Variants in ZNF33B observed in about 807,000 individuals in gnomAD.
ZNF33B encodes zinc finger protein 11b (KOX 2).
In ZNF33B, 29 loss-of-function variants were observed where a neutral mutation model predicts 45.8. That is an observed-to-expected ratio of 0.63 (90% CI 0.47 to 0.86). ZNF33B has a LOEUF of 0.86. Ranked by LOEUF, ZNF33B falls within the 40% of genes least tolerant of loss-of-function variation. ZNF33B has a pLI of 0.00. For missense variants in ZNF33B, 831 were observed against 909.9 expected (o/e 0.91, Z 1.12); for synonymous variants, 305 against 307.8 (o/e 0.99, Z 0.10).
At chr10:42,576,947 A>G (rs1836756830) in intron 1 of ZNF33B, among the ~76,000 whole-genome samples, 1 of 152,108 alleles carries the variant, frequency 6.6e-6, no homozygotes, top group Non-Finnish European at 1.5e-5. Flanking sequence ...AGCCTGACCA[A>G]CAAGATGAAA....
intron 1 of ZNF33B, among the ~76,000 whole-genome samples, chr10:42,580,382 A>C (rs1836806610): frequency 6.6e-6 from 1 of 152,142 alleles, no homozygotes; most frequent in East Asian, 2.0e-4. Context: ...CTGGGATTAC[A>C]GGTATGTGCC....
intron 4 of ZNF33B, among the ~76,000 whole-genome samples, chr10:42,603,746 A>T (rs1837725355): frequency 6.6e-6 from 1 of 152,202 alleles, no homozygotes; most frequent in Non-Finnish European, 1.5e-5. Context: ...AAAGTGTAAC[A>T]GCAACAGAGG....
intron 4 of ZNF33B, among the ~76,000 whole-genome samples, chr10:42,618,179 T>C (rs1484454965): frequency 6.6e-6 from 1 of 152,218 alleles, no homozygotes; most frequent in African/African-American, 2.4e-5. Context: ...CCCAACTCTA[T>C]GGGGTGGACC....
chr10:42,628,575 TG>T (rs1161330915), intron 4 of ZNF33B, among the ~76,000 whole-genome samples: 1 of 152,250 alleles, frequency 6.6e-6, no homozygotes, highest in African/African-American at 2.4e-5. Context: ...CATTATATAA[TG>T]TTCTTTTTGT....
chr10:42,615,837 A>G (rs1838288229), intron 4 of ZNF33B, among the ~76,000 whole-genome samples: 1 of 151,938 alleles, frequency 6.6e-6, no homozygotes, highest in Non-Finnish European at 1.5e-5. Context: ...TGGCAGGAGA[A>G]TCGCTTGAAC....
At position 42,594,776 on chromosome 10, in the gene ZNF33B, C is replaced by T. The variant is rs1434775927; in HGVS notation, c.251-77G>A. 7 of 1,448,228 alleles carry T rather than the reference C, an allele frequency of 4.8e-6. No homozygotes were observed. In the African/African-American group the frequency reaches 7.2e-5, roughly 15 times the overall value. 89.7% of individuals were successfully genotyped at this position (1,448,228 alleles called of 1,614,324 possible). A position where few individuals can be genotyped will look rare whatever the true frequency, so the allele number is the denominator to read the frequency against. On this transcript the variant is annotated intron_variant, in intron 4 of 4. Transcript: ENST00000359467. ...GGGAATGAAATCTCTACACAAATGC[C>T]CTATGTTGTAGCTGACTCTGGTTTT...
At chr10:42,576,150 C>G (rs962345990) in intron 1 of ZNF33B, among the ~76,000 whole-genome samples, 2 of 151,888 alleles carry the variant, frequency 1.3e-5, no homozygotes, top group African/African-American at 4.8e-5. Flanking sequence ...CTTGGCCTCC[C>G]AATAATTTTT....
chr10:42,586,203 G>T (rs1461987358), downstream of ZNF33B, among the ~76,000 whole-genome samples: 1 of 145,828 alleles, frequency 6.9e-6, no homozygotes, highest in Non-Finnish European at 1.5e-5. Context: ...ATCCAGGCTG[G>T]AGTGCAGTGG....
In ZNF33B at chr10:42,632,448, T is replaced by A. The variant is rs1305789399; in HGVS notation, c.10-9A>T. On this transcript the variant is annotated splice_polypyrimidine_tract_variant and intron_variant, in intron 2 of 4. Coordinates refer to ENST00000359467, the MANE Select transcript of ZNF33B (RefSeq NM_006955.3). ...TGGAACTTCTGATCTACCTGAAATG[T>A]TCAGAATTAGGTGGCATGAAAAAAG... The A allele has an allele frequency of 1.2e-6, 2 of 1,612,430 alleles. No individual in the cohort carries two copies. The highest frequency in any genetic ancestry group is 1.7e-5 in the Admixed American group (1 of 59,360).
intron 4 of ZNF33B, among the ~76,000 whole-genome samples, chr10:42,614,031 A>C (rs1321771349): frequency 6.6e-6 from 1 of 152,236 alleles, no homozygotes; most frequent in Non-Finnish European, 1.5e-5. Flanking sequence ...TGTGCAGAGT[A>C]ACATTGTTCC....
Position 42,591,356 on chromosome 10 carries a change from T to A in ZNF33B, c.*1257A>T. The A allele has an allele frequency of 4.3e-6, 2 of 464,088 alleles. No homozygotes were observed. Among genetic ancestry groups the A allele is most frequent in the Non-Finnish European group, 5.7e-6 (2 of 353,720 alleles). The allele number at this position is 464,088 out of a possible 1,614,324, so 28.7% of individuals were successfully genotyped here. A position where few individuals can be genotyped will look rare whatever the true frequency, so the allele number is the denominator to read the frequency against. Reference sequence around the variant, plus strand: ...ACCCCAGGCAGTTCATGGCATGGGATGAGCCACAGGTAGTAAGAGAAAGGG... The same window carrying A: ...ACCCCAGGCAGTTCATGGCATGGGAAGAGCCACAGGTAGTAAGAGAAAGGG... On this transcript the variant is annotated 3_prime_UTR_variant, in exon 5 of 5. Coordinates refer to ENST00000359467, the MANE Select transcript of ZNF33B (RefSeq NM_006955.3).
Position 42,604,934 on chromosome 10 carries a change from AG to A in ZNF33B, c.251-10236del, listed in dbSNP as rs766418068. On this transcript the variant is annotated intron_variant, in intron 4 of 4. Coordinates refer to ENST00000359467, the MANE Select transcript of ZNF33B (RefSeq NM_006955.3). ...GAAATTTCATCTCAAAAAAAAAAAA[AG>A]AAAGAAAAGAGAGGTTGTAGCTGGC... 2.1e-3 allele frequency among the ~76,000 whole-genome samples: 316 copies of A among 151,904 alleles called. 1 individual carries two copies. The highest frequency in any genetic ancestry group is 6.9e-3 in the Middle Eastern group (2 of 290).
Position 42,592,401 on chromosome 10 carries a change from T to C in ZNF33B, c.*212A>G, listed in dbSNP as rs2132033592. ...AGGTTTTATGCCAGTATTAACCATC[T>C]GATATTCAACAGAATATCACTTCCT... On this transcript the variant is annotated 3_prime_UTR_variant, in exon 5 of 5. Coordinates refer to ENST00000359467, the MANE Select transcript of ZNF33B (RefSeq NM_006955.3). The C allele has an allele frequency of 1.3e-6, 1 of 746,582 alleles. No homozygotes were observed. Among genetic ancestry groups the C allele is most frequent in the Non-Finnish European group, 2.0e-6 (1 of 500,330 alleles). The allele number at this position is 746,582 out of a possible 1,614,324, so 46.2% of individuals were successfully genotyped here. A position where few individuals can be genotyped will look rare whatever the true frequency, so the allele number is the denominator to read the frequency against.
chr10:42,608,681 A>G (rs1232971435), intron 4 of ZNF33B, among the ~76,000 whole-genome samples: 4 of 152,194 alleles, frequency 2.6e-5, no homozygotes, highest in African/African-American at 7.2e-5. Context: ...AACCATATTA[A>G]AAAAGATCTC....
chr10:42,605,205 G>A (rs1837788133), intron 4 of ZNF33B: 1 of 142,328 alleles, frequency 7.0e-6, no homozygotes, highest in Non-Finnish European at 1.5e-5. Context: ...ATACCAAGAA[G>A]ATTAGCACAG....
intron 4 of ZNF33B, among the ~76,000 whole-genome samples, chr10:42,616,185 A>T (rs1189893545): frequency 6.6e-6 from 1 of 152,040 alleles, no homozygotes; most frequent in Non-Finnish European, 1.5e-5. Context: ...GTGAGCTGAG[A>T]CCATGCCACT....
intron 4 of ZNF33B, among the ~76,000 whole-genome samples, chr10:42,622,860 A>G (rs1432745584): frequency 6.6e-6 from 1 of 152,246 alleles, no homozygotes; most frequent in Non-Finnish European, 1.5e-5. Flanking sequence ...AACTGAAAAT[A>G]AGAGCTAAAA....
intron 1 of ZNF33B, chr10:42,578,805 T>G (rs1461675724): frequency 3.3e-5 from 5 of 152,228 alleles, no homozygotes; most frequent in Non-Finnish European, 5.9e-5. Flanking sequence ...AATGGAGATG[T>G]GGGACAAAAA....
At chr10:42,605,907 G>A (rs1837825184) in intron 4 of ZNF33B, among the ~76,000 whole-genome samples, 1 of 151,838 alleles carries the variant, frequency 6.6e-6, no homozygotes, top group African/African-American at 2.4e-5. Context: ...ATCAGCTTAG[G>A]CAACATACTG....
Sources: allele counts gnomAD v4.1 joint callset (sites outside exome capture counted in the v4.1 genomes callset), GRCh38; gene constraint gnomAD v4.1.1; transcripts MANE v1.5; gene names NCBI Gene and HGNC (gene_info 2026-07-23, HGNC 2026-07-21).